Variants in PACS2 observed in about 807,000 individuals in gnomAD.
The protein encoded by PACS2 is phosphofurin acidic cluster sorting protein 2.
A neutral mutation model predicts 113.0 loss-of-function variants in PACS2; 36 were observed. The observed-to-expected ratio is 0.32, with a 90% confidence interval of 0.24 to 0.42. PACS2 has a LOEUF of 0.42. PACS2 is among the 10% of genes least tolerant of loss of function. The pLI, the probability that PACS2 is intolerant of heterozygous loss-of-function variation, is 1.00. For missense variants in PACS2, 1,015 were observed against 1,239.5 expected (o/e 0.82, Z 2.72); for synonymous variants, 589 against 536.1 (o/e 1.10, Z -1.36).
upstream of PACS2, among the ~76,000 whole-genome samples, chr14:105,310,533 C>A (rs1236076899): frequency 2.8e-3 from 226 of 79,576 alleles, no homozygotes; most frequent in East Asian, 0.013. Flanking sequence ...GACTCTGTCT[C>A]AAAAAAAAAA....
In PACS2 at chr14:105,380,925, C is replaced by T. The variant is rs587770361; in HGVS notation, c.1126-32C>T. ...GGCCGCAGCACGGGTGTGGTTTCCA[C>T]GGGAGGCTCCAGGCCCGTCTCTGCT... On this transcript the variant is annotated intron_variant, in intron 11 of 24. Coordinates refer to ENST00000447393, the MANE Select transcript of PACS2 (RefSeq NM_001100913.3). 28 of 1,585,442 alleles carry T rather than the reference C, an allele frequency of 1.8e-5. No homozygotes were observed. The East Asian group carries it at 2.3e-4, about 13-fold the overall frequency.
upstream of PACS2, among the ~76,000 whole-genome samples, chr14:105,311,652 C>T (rs191335755): frequency 1.3e-5 from 2 of 152,150 alleles, no homozygotes; most frequent in Non-Finnish European, 2.9e-5. Context: ...TCTACAACCC[C>T]GGGGTTGATT....
Position 105,324,233 on chromosome 14 carries a change from C to T in PACS2, c.119+9196C>T, listed in dbSNP as rs915800914. Reference sequence around the variant, plus strand: ...GGGGTCGGGGGGCTGCTGCAGAGAGCGGGTCTGCGGTCAGTCACAGTGACG... The same window carrying T: ...GGGGTCGGGGGGCTGCTGCAGAGAGTGGGTCTGCGGTCAGTCACAGTGACG... On this transcript the variant is annotated intron_variant, in intron 1 of 24. Coordinates refer to ENST00000447393, the MANE Select transcript of PACS2 (RefSeq NM_001100913.3). This position sits in a 1 kb window ranked among gnomAD's most constrained non-coding sequence, Gnocchi z 4.7. Among the ~76,000 whole-genome samples the T allele has an allele frequency of 6.6e-6, 1 of 152,088 alleles. No individual in the cohort carries two copies. The highest frequency in any genetic ancestry group is 1.5e-5 in the Non-Finnish European group (1 of 68,006).
At position 105,392,810 on chromosome 14, in the gene PACS2, C is replaced by A; in HGVS notation, c.2447C>A (p.Ser816Tyr). Residue 816 changes from serine (S) to tyrosine (Y), a missense_variant, in exon 23 of 25, where the codon TCC becomes TAC. By Grantham distance (144) the Ser-to-Tyr change is moderately radical (BLOSUM62 -2). Around this residue, in one of 3 missense-constraint regions of PACS2, gnomAD observed 859 missense variants for 1,056.8 expected, o/e 0.81. Coordinates refer to ENST00000447393, the MANE Select transcript of PACS2 (RefSeq NM_001100913.3). ...SGEAAATPTM[S>Y]MTVVTKEKNK... ...GAGGCTGCAGCCACGCCCACCATGT[C>A]CATGACCGTGGTCACCAAGGAGAAG... is the stretch of plus-strand genomic sequence containing the variant. 1 of 1,607,868 alleles carries A rather than the reference C, an allele frequency of 6.2e-7. No homozygotes were observed. Among genetic ancestry groups the A allele is most frequent in the Non-Finnish European group, 8.5e-7 (1 of 1,179,762 alleles).
rs2081429314 is a variant in PACS2, at chr14:105,393,419, T to C, written c.2596+84T>C. 8.2e-6 allele frequency: 7 copies of C among 851,390 alleles called. No homozygotes were observed. The South Asian group carries it at 1.1e-4, about 13-fold the overall frequency. 52.7% of individuals were successfully genotyped at this position (851,390 alleles called of 1,614,324 possible). Reference sequence around the variant, plus strand: ...CTGCTTTGGAGCCCAGCCTAGGAGCTGCGGGTGTCTCGCTGTGACACGCAC... The same window carrying C: ...CTGCTTTGGAGCCCAGCCTAGGAGCCGCGGGTGTCTCGCTGTGACACGCAC... On this transcript the variant is annotated intron_variant, in intron 24 of 24. Transcript: ENST00000447393.
intron 1 of PACS2, among the ~76,000 whole-genome samples, chr14:105,335,978 G>A (rs587720238): frequency 2.0e-5 from 3 of 152,332 alleles, no homozygotes; most frequent in South Asian, 2.1e-4. Flanking sequence ...CCTGGGGATG[G>A]CAGGGCGTGG....
In PACS2 at chr14:105,393,592, G is replaced by T. The variant is rs782712148; in HGVS notation, c.2596+257G>T. Reference sequence around the variant, plus strand: ...GTTTTTCTTGTTTGTTTTTTGTTTTGGTTTTTTTTTTTTTGAGACAGAGTT... The same window carrying T: ...GTTTTTCTTGTTTGTTTTTTGTTTTTGTTTTTTTTTTTTTGAGACAGAGTT... On this transcript the variant is annotated intron_variant, in intron 24 of 24. Coordinates refer to ENST00000447393, the MANE Select transcript of PACS2 (RefSeq NM_001100913.3). 87 of 407,138 alleles carry T rather than the reference G, an allele frequency of 2.1e-4. 1 individual carries two copies. The highest frequency in any genetic ancestry group is 1.1e-3 in the South Asian group (30 of 27,044). 25.2% of individuals were successfully genotyped at this position (407,138 alleles called of 1,614,324 possible). A position where few individuals can be genotyped will look rare whatever the true frequency, so the allele number is the denominator to read the frequency against.
intron 24 of PACS2, among the ~76,000 whole-genome samples, chr14:105,394,056 AGG>A (rs1555415818): frequency 9.0e-5 from 13 of 144,656 alleles, no homozygotes; most frequent in Non-Finnish European, 1.5e-5. Flanking sequence ...AAAAAAAAAA[AGG>A]GGTTTTGGAG....
upstream of PACS2, chr14:105,314,492 G>C (rs1420043945): frequency 1.4e-5 from 2 of 148,058 alleles, no homozygotes; most frequent in Non-Finnish European, 3.0e-5. Context: ...CGGGGTCTGT[G>C]CGCAGGCGCG....
At chr14:105,352,550 G>T (rs2060222985) in intron 3 of PACS2, 83 bp downstream of exon 3, 4 of 749,134 alleles carry the variant, frequency 5.3e-6, no homozygotes, top group Non-Finnish European at 9.5e-6. Context: ...CCCCTGGGGA[G>T]ACGGGCCCCC....
intron 19 of PACS2, among the ~76,000 whole-genome samples, chr14:105,387,971 C>T (rs1332588392): frequency 2.0e-5 from 3 of 152,266 alleles, no homozygotes; most frequent in African/African-American, 7.2e-5. Flanking sequence ...CGTCCAGGCA[C>T]TCCTGCCTGA....
chr14:105,381,012 A>C lies in PACS2; in HGVS notation c.1181A>C (p.Glu394Ala), dbSNP rs972818545. ...CAGCCTGAGGACAGCCCCGAGGCTG[A>C]GGCCTCCACCCTGGATGTGTTCACG... ...PGQPEDSPEA[E>A]ASTLDVFTER... Residue 394 changes from glutamate (E) to alanine (A), a missense_variant, in exon 12 of 25, where the codon GAG (glutamate) becomes GCG (alanine). Glu to Ala is a moderately radical substitution (Grantham distance 107). Around this residue, in one of 3 missense-constraint regions of PACS2, gnomAD observed 859 missense variants for 1,056.8 expected, o/e 0.81. Transcript: ENST00000447393. 1.1e-5 allele frequency: 17 copies of C among 1,612,374 alleles called. No homozygotes were observed. Among genetic ancestry groups the C allele is most frequent in the Non-Finnish European group, 1.4e-5 (17 of 1,179,582 alleles).
chr14:105,385,103 C>T, intron 18 of PACS2, 116 bp downstream of exon 18: 1 of 711,446 alleles, frequency 1.4e-6, no homozygotes, highest in Admixed American at 2.2e-5. Context: ...CTGCACCGGG[C>T]TTAGACCAGA....
In PACS2 at chr14:105,354,742, C is replaced by T. The variant is rs2060365981; in HGVS notation, c.298-310C>T. On this transcript the variant is annotated intron_variant, in intron 3 of 24. Transcript: ENST00000447393. The surrounding 1 kb of genome is among the most constrained non-coding windows in gnomAD (Gnocchi z 4.2). ...CACTGTTTCCGAGTGTCCACAGGCGCGCTCGGCCATCCCGGACACTGCAGC... is the reference window on the plus strand; with the variant it reads ...CACTGTTTCCGAGTGTCCACAGGCGTGCTCGGCCATCCCGGACACTGCAGC... Among the ~76,000 whole-genome samples, 2 of 152,252 alleles carry T rather than the reference C, an allele frequency of 1.3e-5. No homozygotes were observed. The highest frequency in any genetic ancestry group is 1.9e-4 in the East Asian group (1 of 5,204).
At chr14:105,379,592 G>A (rs1486848838) in intron 9 of PACS2, 147 bp from the exon 10 acceptor site, 7 of 653,974 alleles carry the variant, frequency 1.1e-5, no homozygotes, top group Admixed American at 5.0e-5. Flanking sequence ...CGGGGTGTGC[G>A]CTGACACGGG....
At chr14:105,385,635 T>A (rs782474931) in intron 18 of PACS2, 50 bp from the exon 19 acceptor site, 47 of 1,412,042 alleles carry the variant, frequency 3.3e-5, no homozygotes, top group Non-Finnish European at 1.2e-5. Context: ...GGAGGGGTCC[T>A]GAGGGCGTCG....
At chr14:105,326,328 G>A (rs2059105603) in intron 1 of PACS2, among the ~76,000 whole-genome samples, 2 of 152,190 alleles carry the variant, frequency 1.3e-5, no homozygotes, top group African/African-American at 2.4e-5. Context: ...GTATGAGCTC[G>A]CTCCTGGTCA....
intron 4 of PACS2, 51 bp from the exon 5 acceptor site, chr14:105,367,161 CG>C: frequency 6.4e-7 from 1 of 1,559,708 alleles, no homozygotes; most frequent in Non-Finnish European, 8.8e-7. Flanking sequence ...ATCAGGGCAC[CG>C]GGGCTCCTTC....
chr14:105,312,591 G>A (rs1211782873), upstream of PACS2, among the ~76,000 whole-genome samples: 1 of 152,214 alleles, frequency 6.6e-6, no homozygotes, highest in Non-Finnish European at 1.5e-5. Context: ...TCATAGCATG[G>A]GGAGGGATGC....
Sources: gnomAD v4.1 joint callset for allele counts (sites outside exome capture counted in the v4.1 genomes callset) on GRCh38, gnomAD v4.1.1 for gene constraint, gnomAD v4.1.1 regional missense constraint, Gnocchi (gnomAD v3.1) non-coding constraint, MANE v1.5 for transcripts, NCBI Gene and HGNC (gene_info 2026-07-23, HGNC 2026-07-21) for gene names.